MARCHF1: variants seen among roughly 807,000 people sequenced by gnomAD.
The protein encoded by MARCHF1 is E3 ubiquitin-protein ligase MARCHF1.
Under a neutral mutation model 54.2 loss-of-function variants are expected in MARCHF1, and 40 were observed. That is an observed-to-expected ratio of 0.74 (90% confidence interval 0.57 to 0.96). The LOEUF (loss-of-function observed/expected upper bound fraction) is 0.96, where lower values mean the gene tolerates loss of function less well. MARCHF1 is among the 40% of genes least tolerant of loss of function. MARCHF1 has a pLI of 0.00. For missense variants in MARCHF1, 586 were observed against 656.5 expected, an observed-to-expected ratio of 0.89 and a Z score of 1.17; for synonymous variants, 236 against 236.3, an observed-to-expected ratio of 1.00 and a Z score of 0.01.
chr4:164,376,935 C>A (rs532919031), intron 1 of MARCHF1, among the ~76,000 whole-genome samples: 2 of 152,154 alleles, frequency 1.3e-5, no homozygotes, highest in African/African-American at 2.4e-5. Flanking sequence ...CAGATCATTG[C>A]TCACCACAGT....
chr4:164,242,854 G>A (rs1290352020), intron 1 of MARCHF1, among the ~76,000 whole-genome samples: 31 of 150,140 alleles, frequency 2.1e-4, no homozygotes, highest in East Asian at 5.9e-4. Flanking sequence ...GAGCCGATGC[G>A]ATCAACTGGA....
intron 1 of MARCHF1, among the ~76,000 whole-genome samples, chr4:164,253,952 A>G (rs1225351838): frequency 6.6e-6 from 1 of 152,190 alleles, no homozygotes; most frequent in Admixed American, 6.6e-5. Flanking sequence ...ACATTTTTGT[A>G]GTAACATTAC....
chr4:163,748,890 T>C (rs1561056290), intron 4 of MARCHF1, among the ~76,000 whole-genome samples: 1 of 152,292 alleles, frequency 6.6e-6, no homozygotes, highest in East Asian at 1.9e-4. Flanking sequence ...TAAAGAGAGA[T>C]GCTCCACATA....
intron 7 of MARCHF1, among the ~76,000 whole-genome samples, chr4:163,591,628 T>A (rs1309534289): frequency 6.6e-6 from 1 of 152,166 alleles, no homozygotes; most frequent in East Asian, 1.9e-4. Context: ...CATAATGGAC[T>A]GGCTTTCATT....
intron 5 of MARCHF1, among the ~76,000 whole-genome samples, chr4:163,660,195 CA>C (rs1743295917): frequency 6.6e-6 from 1 of 152,004 alleles, no homozygotes; most frequent in Non-Finnish European, 1.5e-5. Flanking sequence ...AAATGTGGCA[CA>C]TATATATGAA....
intron 2 of MARCHF1, among the ~76,000 whole-genome samples, chr4:164,062,880 G>A (rs1296718514): frequency 1.3e-5 from 2 of 152,088 alleles, no homozygotes; most frequent in Non-Finnish European, 2.9e-5. Context: ...GATCTATGGG[G>A]GCACAGAATG....
intron 5 of MARCHF1, among the ~76,000 whole-genome samples, chr4:163,667,690 A>G (rs1743590332): frequency 6.6e-6 from 1 of 151,526 alleles, no homozygotes; most frequent in African/African-American, 2.4e-5. Context: ...CAGTGGCATG[A>G]TCTCAGCTCA....
At chr4:163,805,028 T>C (rs1438854373) in intron 4 of MARCHF1, among the ~76,000 whole-genome samples, 1 of 152,150 alleles carries the variant, frequency 6.6e-6, no homozygotes, top group African/African-American at 2.4e-5. Flanking sequence ...ATGGCTCCCA[T>C]ACATTAGCTA....
At chr4:164,073,894 C>G (rs1254606212) in intron 2 of MARCHF1, among the ~76,000 whole-genome samples, 1 of 151,990 alleles carries the variant, frequency 6.6e-6, no homozygotes, top group Admixed American at 6.6e-5. Context: ...AACTCTGACT[C>G]CCTGGTTCAA....
In MARCHF1 at chr4:164,065,667, G is replaced by A. The variant is rs186289001; in HGVS notation, c.-248+45921C>T. ...CTATGATAGGCCATCTGTAAGCTGA[G>A]GAAGAAAGAAGCCACTAGTGACTCC... is the stretch of plus-strand genomic sequence containing the variant. On this transcript the variant is annotated intron_variant, in intron 2 of 9. Transcript: ENST00000514618. Among the ~76,000 whole-genome samples the A allele has an allele frequency of 8.5e-5, 13 of 152,256 alleles. No homozygotes were observed. The East Asian group carries it at 2.5e-3, about 29-fold the overall frequency.
At chr4:163,700,201 A>T (rs972840717) in intron 5 of MARCHF1, among the ~76,000 whole-genome samples, 1 of 152,106 alleles carries the variant, frequency 6.6e-6, no homozygotes, top group Non-Finnish European at 1.5e-5. Context: ...CATACTTTAC[A>T]TAATACTATG....
intron 2 of MARCHF1, among the ~76,000 whole-genome samples, chr4:164,017,890 G>A (rs1360526613): frequency 1.3e-5 from 2 of 150,344 alleles, no homozygotes. Flanking sequence ...GCATTATCAG[G>A]TTTCAAGATT....
intron 2 of MARCHF1, among the ~76,000 whole-genome samples, chr4:164,081,207 CAAA>C (rs60753810): frequency 9.8e-3 from 180 of 18,300 alleles, no homozygotes; most frequent in African/African-American, 0.031. Flanking sequence ...GACGCTGTCT[CAAA>C]AAAAAAAAAA....
At chr4:164,131,649 T>C (rs1288211635) in intron 1 of MARCHF1, among the ~76,000 whole-genome samples, 3 of 152,152 alleles carry the variant, frequency 2.0e-5, no homozygotes, top group Non-Finnish European at 4.4e-5. Flanking sequence ...TAAAGTTTTA[T>C]TAAGGAGAAG....
Position 164,307,136 on chromosome 4 carries a change from C to A in MARCHF1, c.-323+76734G>T, listed in dbSNP as rs1734716489. ...TGCAGAAACTACACTTCCTTGCCAC[C>A]CACACCTCATTTCTTGCCCAACTAG... On this transcript the variant is annotated intron_variant, in intron 1 of 9. Transcript: ENST00000514618. Among the ~76,000 whole-genome samples, 3 of 152,054 alleles carry A rather than the reference C, an allele frequency of 2.0e-5. No individual in the cohort carries two copies. The South Asian group carries it at 6.2e-4, about 32-fold the overall frequency.
At chr4:163,608,975 C>T (rs186007785) in intron 7 of MARCHF1, among the ~76,000 whole-genome samples, 1 of 152,134 alleles carries the variant, frequency 6.6e-6, no homozygotes, top group East Asian at 1.9e-4. Flanking sequence ...AATTCACTTT[C>T]CAGGCATCAC....
At chr4:164,126,789 G>A (rs1463327732) in intron 1 of MARCHF1, among the ~76,000 whole-genome samples, 1 of 152,158 alleles carries the variant, frequency 6.6e-6, no homozygotes, top group African/African-American at 2.4e-5. Context: ...CTGCGCAGTG[G>A]CTCATGCCTG....
chr4:164,122,111 A>G (rs2952334), intron 1 of MARCHF1, among the ~76,000 whole-genome samples: 139,861 of 152,102 alleles, frequency 0.92, 64,457 homozygotes, highest in East Asian at 1. Context: ...CATTTTAATC[A>G]ATGCTGAAAA....
At chr4:163,877,627 C>T (rs1750321944) in intron 3 of MARCHF1, among the ~76,000 whole-genome samples, 1 of 152,080 alleles carries the variant, frequency 6.6e-6, no homozygotes, top group African/African-American at 2.4e-5. Context: ...AACATCTCTA[C>T]TTACCATGTC....
Sources: gnomAD v4.1 joint callset for allele counts (sites outside exome capture counted in the v4.1 genomes callset) on GRCh38, gnomAD v4.1.1 for gene constraint, MANE v1.5 for transcripts, NCBI Gene and HGNC (gene_info 2026-07-23, HGNC 2026-07-21) for gene names.